The following CTNNA3 variants were observed in gnomAD, a reference collection of about 807,000 sequenced individuals.
CTNNA3 encodes catenin alpha 3, also known as catenin alpha-3.
In CTNNA3, 76 loss-of-function variants were observed where a neutral mutation model predicts 95.7. The observed-to-expected ratio is 0.79, with a 90% CI of 0.66 to 0.96. The LOEUF (loss-of-function observed/expected upper bound fraction) is 0.96. CTNNA3 is among the 40% of genes least tolerant of loss of function. CTNNA3 has a pLI of 0.00. For missense variants in CTNNA3, 1,191 were observed against 1,089.8 expected, an observed-to-expected ratio of 1.09 and a Z score of -1.31; for synonymous variants, 431 against 374.4, an observed-to-expected ratio of 1.15 and a Z score of -1.74.
chr10:66,755,517 T>C (rs1839329588), intron 9 of CTNNA3, among the ~76,000 whole-genome samples: 1 of 152,134 alleles, frequency 6.6e-6, no homozygotes, highest in South Asian at 2.1e-4. Context: ...TGAAGCATTA[T>C]GAGATAATAT....
At chr10:67,520,813 T>C (rs995639346) in intron 5 of CTNNA3, among the ~76,000 whole-genome samples, 3 of 152,186 alleles carry the variant, frequency 2.0e-5, no homozygotes, top group African/African-American at 4.8e-5. Flanking sequence ...TTCTAGACCA[T>C]ATCATGTTGA....
At chr10:67,385,143 C>T (rs1162294198) in intron 5 of CTNNA3, among the ~76,000 whole-genome samples, 2 of 152,134 alleles carry the variant, frequency 1.3e-5, no homozygotes, top group African/African-American at 4.8e-5. Flanking sequence ...TTATATGCTA[C>T]TTTGTTGCTT....
chr10:66,871,562 CAAAAAAAAA>C (rs34018938), intron 7 of CTNNA3, among the ~76,000 whole-genome samples: 7 of 96,450 alleles, frequency 7.3e-5, no homozygotes, highest in African/African-American at 1.8e-4. Context: ...AACTCTGTCT[CAAAAAAAAA>C]AAAAAAAAAA....
chr10:67,182,206 G>A (rs1337026141), intron 6 of CTNNA3, among the ~76,000 whole-genome samples: 2 of 151,960 alleles, frequency 1.3e-5, no homozygotes, highest in East Asian at 1.9e-4. Flanking sequence ...AGTTCATATG[G>A]AACCAAAAAA....
At chr10:67,453,624 G>T (rs1289144367) in intron 5 of CTNNA3, among the ~76,000 whole-genome samples, 1 of 152,096 alleles carries the variant, frequency 6.6e-6, no homozygotes, top group Admixed American at 6.5e-5. Flanking sequence ...ATTTGGAAAA[G>T]AAAAGAAAAC....
chr10:67,244,205 G>A (rs1165564786), intron 5 of CTNNA3, among the ~76,000 whole-genome samples: 2 of 152,100 alleles, frequency 1.3e-5, no homozygotes, highest in East Asian at 1.9e-4. Flanking sequence ...AAGTTTTCTG[G>A]TCTAAGCCTC....
intron 3 of CTNNA3, among the ~76,000 whole-genome samples, chr10:67,563,529 C>A (rs548412120): frequency 1.3e-5 from 2 of 152,030 alleles, no homozygotes; most frequent in Non-Finnish European, 2.9e-5. Context: ...GACCTAAAAC[C>A]ATAAGAGCCC....
intron 11 of CTNNA3, among the ~76,000 whole-genome samples, chr10:66,434,796 C>T (rs2093325179): frequency 6.6e-6 from 1 of 151,928 alleles, no homozygotes; most frequent in South Asian, 2.1e-4. Flanking sequence ...ATATATAGCT[C>T]TTATTATTTT....
intron 13 of CTNNA3, among the ~76,000 whole-genome samples, chr10:66,198,301 A>C (rs1478641215): frequency 6.6e-6 from 1 of 152,190 alleles, no homozygotes; most frequent in Non-Finnish European, 1.5e-5. Flanking sequence ...AGAAAGAGCC[A>C]AGTTTAATCT....
intron 13 of CTNNA3, among the ~76,000 whole-genome samples, chr10:66,259,624 G>A (rs963428965): frequency 6.6e-6 from 1 of 152,064 alleles, no homozygotes; most frequent in African/African-American, 2.4e-5. Flanking sequence ...TCAAACCCTA[G>A]ATACCTAGCT....
At chr10:67,676,802 C>T (rs1840543393) in intron 1 of CTNNA3, among the ~76,000 whole-genome samples, 1 of 152,152 alleles carries the variant, frequency 6.6e-6, no homozygotes, top group Non-Finnish European at 1.5e-5. Flanking sequence ...TGGCACAGAA[C>T]CCATGCCTTC....
At chr10:66,891,355 G>C (rs1359145150) in intron 7 of CTNNA3, among the ~76,000 whole-genome samples, 3 of 152,072 alleles carry the variant, frequency 2.0e-5, no homozygotes, top group Non-Finnish European at 4.4e-5. Flanking sequence ...TCATGATGAG[G>C]GTCTGATAGC....
chr10:67,639,383 A>C (rs1418065804), intron 2 of CTNNA3, among the ~76,000 whole-genome samples: 1 of 152,160 alleles, frequency 6.6e-6, no homozygotes, highest in Non-Finnish European at 1.5e-5. Context: ...CAACCAAAAA[A>C]AGTCCAGGAC....
intron 7 of CTNNA3, among the ~76,000 whole-genome samples, chr10:67,180,110 C>T (rs181916803): frequency 3.9e-5 from 6 of 152,202 alleles, no homozygotes; most frequent in Admixed American, 2.6e-4. Context: ...CTGTAAATAC[C>T]CTTCTGGTTC....
intron 9 of CTNNA3, among the ~76,000 whole-genome samples, chr10:66,666,168 C>G (rs1846444401): frequency 1.3e-5 from 2 of 152,212 alleles, no homozygotes; most frequent in Admixed American, 1.3e-4. Flanking sequence ...GCCTTGACTC[C>G]CATGTATTTT....
At chr10:66,329,892 T>C (rs889295812) in intron 12 of CTNNA3, among the ~76,000 whole-genome samples, 2 of 152,006 alleles carry the variant, frequency 1.3e-5, no homozygotes, top group African/African-American at 4.8e-5. Flanking sequence ...TTACAAGCTA[T>C]TCCTCCTGCT....
intron 10 of CTNNA3, among the ~76,000 whole-genome samples, chr10:66,527,511 C>T (rs527830289): frequency 6.6e-6 from 1 of 152,100 alleles, no homozygotes; most frequent in African/African-American, 2.4e-5. Flanking sequence ...GTATTATCAT[C>T]TTCATAATAT....
intron 3 of CTNNA3, among the ~76,000 whole-genome samples, chr10:67,580,488 G>C (rs1842347750): frequency 6.6e-6 from 1 of 151,624 alleles, no homozygotes; most frequent in South Asian, 2.1e-4. Flanking sequence ...AAGTCAGGTA[G>C]CATGATGCCT....
rs181787454 is a variant in CTNNA3, at chr10:67,347,739, G to T, written c.580-127869C>A. ...TTTGAGGTGTATCCAGAAAAATCTG[G>T]TTTTTTTAATCAAGAGAATCCACTC... is the stretch of plus-strand genomic sequence containing the variant. On this transcript the variant is annotated intron_variant, in intron 5 of 17. Transcript: ENST00000433211. Among the ~76,000 whole-genome samples, 779 of 146,442 alleles carry T rather than the reference G, an allele frequency of 5.3e-3. 9 individuals are homozygous for T. The highest frequency in any genetic ancestry group is 0.018 in the African/African-American group (732 of 39,954).
Sources: allele counts gnomAD v4.1 joint callset (sites outside exome capture counted in the v4.1 genomes callset), GRCh38; gene constraint gnomAD v4.1.1; transcripts MANE v1.5; gene names NCBI Gene and HGNC (gene_info 2026-07-23, HGNC 2026-07-21).